The following CYB5R4 variants were observed in gnomAD, a reference collection of about 807,000 sequenced individuals.
CYB5R4 encodes cytochrome b5 reductase 4.
CYB5R4 carries 55 observed loss-of-function variants against 70.2 expected under a neutral mutation model. That is an observed-to-expected ratio of 0.78 (90% CI 0.63 to 0.98). The LOEUF (loss-of-function observed/expected upper bound fraction) is 0.98, where lower values mean the gene tolerates loss of function less well. Ranked by LOEUF, CYB5R4 falls within the 50% of genes least tolerant of loss-of-function variation. The pLI, the probability that CYB5R4 is intolerant of heterozygous loss-of-function variation, is 0.00. For missense variants in CYB5R4, 562 were observed against 612.6 expected, an observed-to-expected ratio of 0.92 and a Z score of 0.87; for synonymous variants, 197 against 199.5, an observed-to-expected ratio of 0.99 and a Z score of 0.11.
At chr6:83,888,663 A>T (rs143509657) in intron 2 of CYB5R4, among the ~76,000 whole-genome samples, 1 of 152,280 alleles carries the variant, frequency 6.6e-6, no homozygotes, top group East Asian at 1.9e-4. Context: ...ACCCAACAAT[A>T]TTGAGATTAG....
chr6:83,933,140 T>C (rs922677871), intron 10 of CYB5R4, among the ~76,000 whole-genome samples: 2 of 152,212 alleles, frequency 1.3e-5, no homozygotes, highest in African/African-American at 4.8e-5. Context: ...CATGGGCCTA[T>C]GTCCTTTGAC....
At chr6:83,897,763 T>A (rs2129135028) in intron 3 of CYB5R4, among the ~76,000 whole-genome samples, 1 of 152,340 alleles carries the variant, frequency 6.6e-6, no homozygotes, top group Non-Finnish European at 1.5e-5. Flanking sequence ...TGTAAATTTG[T>A]TGGAGTTCTT....
chr6:83,883,648 A>G (rs1259188112), intron 2 of CYB5R4, among the ~76,000 whole-genome samples: 1 of 152,222 alleles, frequency 6.6e-6, no homozygotes, highest in Admixed American at 6.5e-5. Flanking sequence ...AATATAAGAT[A>G]GATGCTAAAA....
In CYB5R4 at chr6:83,964,251, A is replaced by G. The variant is rs887989344; in HGVS notation, c.*4373A>G. 5.9e-5 allele frequency: 9 copies of G among 153,476 alleles called. No homozygotes were observed. The highest frequency in any genetic ancestry group is 1.2e-4 in the Non-Finnish European group (8 of 69,002). The allele number at this position is 153,476 out of a possible 1,614,324, so 9.5% of individuals were successfully genotyped here. A position where few individuals can be genotyped will look rare whatever the true frequency, so the allele number is the denominator to read the frequency against. ...TCAGAAGAAGACAGGAAAATGGGAA[A>G]GTTTGGAACTTCCTTGAGACTTGTT... On this transcript the variant is annotated 3_prime_UTR_variant, in exon 16 of 16. Transcript: ENST00000369681.
At position 83,962,517 on chromosome 6, in the gene CYB5R4, T is replaced by G. The variant is rs2099473494; in HGVS notation, c.*2639T>G. On this transcript the variant is annotated 3_prime_UTR_variant, in exon 16 of 16. Coordinates refer to ENST00000369681, the MANE Select transcript of CYB5R4 (RefSeq NM_016230.4). ...TTTAAAAAAAAGTTTATTAATTTTC[T>G]ATTGCTGCTAGATCAAATTACTACA... The G allele has an allele frequency of 6.6e-6, 1 of 152,256 alleles. No homozygotes were observed. The highest frequency in any genetic ancestry group is 6.5e-5 in the Admixed American group (1 of 15,280). 9.4% of individuals were successfully genotyped at this position (152,256 alleles called of 1,614,324 possible).
At chr6:83,916,255 TG>T (rs1343943900) in intron 5 of CYB5R4, among the ~76,000 whole-genome samples, 1 of 152,120 alleles carries the variant, frequency 6.6e-6, no homozygotes, top group African/African-American at 2.4e-5. Context: ...ATCACAGTAC[TG>T]GCACCGAGCT....
intron 14 of CYB5R4, among the ~76,000 whole-genome samples, chr6:83,941,409 G>A (rs1282661971): frequency 6.6e-6 from 1 of 152,098 alleles, no homozygotes; most frequent in Non-Finnish European, 1.5e-5. Flanking sequence ...ATCATTAAAA[G>A]CTATTTCTAA....
intron 1 of CYB5R4, among the ~76,000 whole-genome samples, chr6:83,861,304 T>C (rs1420929756): frequency 6.6e-6 from 1 of 152,222 alleles, no homozygotes; most frequent in African/African-American, 2.4e-5. Context: ...CAGACTCCAG[T>C]CTTCTTCCTC....
chr6:83,925,710 T>G (rs1170615048), intron 10 of CYB5R4, among the ~76,000 whole-genome samples: 1 of 152,226 alleles, frequency 6.6e-6, no homozygotes, highest in Non-Finnish European at 1.5e-5. Context: ...ATATGGAAAC[T>G]TAATGATCTT....
At chr6:83,956,373 G>C (rs2147860) in intron 15 of CYB5R4, among the ~76,000 whole-genome samples, 34 of 152,082 alleles carry the variant, frequency 2.2e-4, no homozygotes, top group African/African-American at 6.7e-4. Context: ...AGCTGGATTG[G>C]GGGGGGCACG....
intron 2 of CYB5R4, among the ~76,000 whole-genome samples, chr6:83,884,482 G>A (rs928203793): frequency 6.6e-6 from 1 of 152,064 alleles, no homozygotes; most frequent in African/African-American, 2.4e-5. Context: ...TAGGAAAACT[G>A]TTTATGCCTG....
chr6:83,895,447 T>TGA (rs1285533326), intron 3 of CYB5R4, among the ~76,000 whole-genome samples: 3 of 152,156 alleles, frequency 2.0e-5, no homozygotes, highest in Non-Finnish European at 2.9e-5. Context: ...ATTATAGGTG[T>TGA]GAGCCATTGC....
chr6:83,911,851 C>G (rs2099464740), intron 4 of CYB5R4, among the ~76,000 whole-genome samples: 1 of 151,858 alleles, frequency 6.6e-6, no homozygotes, highest in African/African-American at 2.4e-5. Context: ...CAAGACCAGC[C>G]TGGGCTACAT....
At chr6:83,888,554 T>G (rs968570119) in intron 2 of CYB5R4, among the ~76,000 whole-genome samples, 21 of 152,128 alleles carry the variant, frequency 1.4e-4, no homozygotes, top group African/African-American at 5.1e-4. Flanking sequence ...CGAGCCCATA[T>G]GAGATGGTAA....
In CYB5R4 at chr6:83,873,327, C is replaced by T. The variant is rs2099457960; in HGVS notation, c.229+8999C>T. Among the ~76,000 whole-genome samples, 2 of 150,356 alleles carry T rather than the reference C, an allele frequency of 1.3e-5. 1 individual carries two copies. The highest frequency in any genetic ancestry group is 4.9e-5 in the African/African-American group (2 of 40,676). Reference sequence around the variant, plus strand: ...TGATCTTGGCTCACTGCAATCTCCACCTCCTGGGTTCAAGTGATTCTCGTG... The same window carrying T: ...TGATCTTGGCTCACTGCAATCTCCATCTCCTGGGTTCAAGTGATTCTCGTG... On this transcript the variant is annotated intron_variant, in intron 2 of 15. Coordinates refer to ENST00000369681, the MANE Select transcript of CYB5R4 (RefSeq NM_016230.4).
chr6:83,889,149 A>C (rs4706190), intron 2 of CYB5R4, among the ~76,000 whole-genome samples: 1 of 152,164 alleles, frequency 6.6e-6, no homozygotes, highest in African/African-American at 2.4e-5. Flanking sequence ...TGCAATGTGA[A>C]GCATCAAATG....
intron 2 of CYB5R4, among the ~76,000 whole-genome samples, chr6:83,867,479 G>C (rs914500457): frequency 6.6e-6 from 1 of 152,212 alleles, no homozygotes; most frequent in African/African-American, 2.4e-5. Context: ...AGTGTTATAA[G>C]AGTATGCCTT....
At chr6:83,883,503 G>A (rs970726778) in intron 2 of CYB5R4, among the ~76,000 whole-genome samples, 1 of 152,122 alleles carries the variant, frequency 6.6e-6, no homozygotes, top group African/African-American at 2.4e-5. Context: ...TAATAAAAAC[G>A]ACTGCTGAAG....
Position 83,859,741 on chromosome 6 carries a change from TG to T in CYB5R4, c.-40del. 1 of 1,604,966 alleles carries T rather than the reference TG, an allele frequency of 6.2e-7. No homozygotes were observed. The highest frequency in any genetic ancestry group is 1.7e-5 in the Admixed American group (1 of 59,780). ...CCGGAGCTGGAGGTGCTGTCCCGTCTGGCGGCGATCCCCGGGCAGGGCCCGG... is the reference window on the plus strand; with the variant it reads ...CCGGAGCTGGAGGTGCTGTCCCGTCTGCGGCGATCCCCGGGCAGGGCCCGG... On this transcript the variant is annotated 5_prime_UTR_variant, in exon 1 of 16. Coordinates refer to ENST00000369681, the MANE Select transcript of CYB5R4 (RefSeq NM_016230.4).
Sources: allele counts gnomAD v4.1 joint callset (sites outside exome capture counted in the v4.1 genomes callset), GRCh38; gene constraint gnomAD v4.1.1; transcripts MANE v1.5; gene names NCBI Gene and HGNC (gene_info 2026-07-23, HGNC 2026-07-21).